Variants in CACNA1E observed in about 807,000 individuals in gnomAD.
CACNA1E encodes voltage-dependent R-type calcium channel subunit alpha-1E.
CACNA1E carries 40 observed loss-of-function variants against 259.2 expected under a neutral mutation model. That is an observed-to-expected ratio of 0.15 (90% confidence interval 0.12 to 0.20). The LOEUF is 0.20. Among genes scored for constraint, CACNA1E ranks in the 10% least tolerant of loss-of-function variants. The pLI, the probability that CACNA1E is intolerant of heterozygous loss-of-function variation, is 1.00. For synonymous variants in CACNA1E, 1,104 were observed against 1,138.5 expected, an observed-to-expected ratio of 0.97 and a Z score of 0.61; for missense variants, 1,874 against 3,040.1, an observed-to-expected ratio of 0.62 and a Z score of 9.02.
intron 1 of CACNA1E, among the ~76,000 whole-genome samples, chr1:181,324,718 C>T (rs981798582): frequency 3.9e-5 from 6 of 152,114 alleles, no homozygotes; most frequent in Non-Finnish European, 8.8e-5. Context: ...ACTGGGCTTT[C>T]CTGGAGGTTT....
intron 1 of CACNA1E, among the ~76,000 whole-genome samples, chr1:181,499,232 GAAAGGCAA>G (rs2102554328): frequency 6.6e-6 from 1 of 152,292 alleles, no homozygotes; most frequent in East Asian, 1.9e-4. Flanking sequence ...GTAGCCCTAA[GAAAGGCAA>G]ACTATCCAGA....
chr1:181,480,097 T>C (rs1663133895), upstream of CACNA1E, among the ~76,000 whole-genome samples: 1 of 152,074 alleles, frequency 6.6e-6, no homozygotes, highest in African/African-American at 2.4e-5. Flanking sequence ...GACAACATAG[T>C]GAGACCGTCG....
intron 3 of CACNA1E, among the ~76,000 whole-genome samples, chr1:181,553,174 C>T (rs1171477961): frequency 6.6e-6 from 1 of 152,128 alleles, no homozygotes; most frequent in Non-Finnish European, 1.5e-5. Flanking sequence ...TTTCTTATTT[C>T]CTTGAGCAGT....
chr1:181,560,030 T>G (rs1001320781), intron 3 of CACNA1E, among the ~76,000 whole-genome samples: 2 of 147,422 alleles, frequency 1.4e-5, no homozygotes, highest in Non-Finnish European at 3.0e-5. Context: ...GAAGAGCTAT[T>G]TTTTTTTTCT....
chr1:181,348,157 A>G (rs1033118911), intron 1 of CACNA1E, among the ~76,000 whole-genome samples: 6 of 151,238 alleles, frequency 4.0e-5, no homozygotes, highest in African/African-American at 1.5e-4. Context: ...GCAGCTCAGC[A>G]CAGAGCTATC....
In CACNA1E at chr1:181,432,182, A is replaced by G. The variant is rs765509949; in HGVS notation, c.434+18602A>G. 4.6e-4 allele frequency among the ~76,000 whole-genome samples: 70 copies of G among 152,158 alleles called. 1 individual carries two copies. The highest frequency in any genetic ancestry group is 8.8e-5 in the Non-Finnish European group (6 of 68,018). ...ATCATTTCAACACAAAACCAATGCA[A>G]ACAAAGAATATGCCCCTAAATGAAA... On this transcript the variant is annotated intron_variant, in intron 2 of 11. Coordinates refer to the CACNA1E transcript ENST00000524607.
intron 3 of CACNA1E, among the ~76,000 whole-genome samples, chr1:181,526,638 C>T (rs1325004247): frequency 6.6e-6 from 1 of 152,068 alleles, no homozygotes; most frequent in Non-Finnish European, 1.5e-5. Flanking sequence ...GTCCATTTAG[C>T]CTGTTAACAA....
chr1:181,560,131 C>T (rs975821504), intron 3 of CACNA1E, among the ~76,000 whole-genome samples: 1 of 151,852 alleles, frequency 6.6e-6, no homozygotes, highest in Non-Finnish European at 1.5e-5. Flanking sequence ...CATCCAGGCC[C>T]ACCTAGACAG....
At chr1:181,786,475 T>G in intron 43 of CACNA1E, among the ~76,000 whole-genome samples, 1 of 152,242 alleles carries the variant, frequency 6.6e-6, no homozygotes, top group East Asian at 1.9e-4. Context: ...CTATACCATG[T>G]TTTCTTTAAT....
Position 181,772,362 on chromosome 1 carries a change from C to A in CACNA1E, c.5139+131C>A, listed in dbSNP as rs1316294331. On this transcript the variant is annotated intron_variant, in intron 37 of 47. Transcript: ENST00000367573. ...CCCTCCCCTCCTCTCTCCACACCCC[C>A]ACCATGCACACACTCACACTCACGT... 4 of 817,498 alleles carry A rather than the reference C, an allele frequency of 4.9e-6. No homozygotes were observed. In the East Asian group the frequency reaches 7.4e-5, roughly 15 times the overall value. The allele number at this position is 817,498 out of a possible 1,614,324, so 50.6% of individuals were successfully genotyped here.
intron 10 of CACNA1E, 143 bp downstream of exon 10, chr1:181,716,272 G>A (rs1210241130): frequency 1.1e-5 from 4 of 369,670 alleles, no homozygotes; most frequent in South Asian, 6.9e-5. Flanking sequence ...GGTGGAAATC[G>A]AATCTAGATT....
intron 3 of CACNA1E, among the ~76,000 whole-genome samples, chr1:181,572,587 A>G (rs1260731935): frequency 6.6e-6 from 1 of 152,060 alleles, no homozygotes; most frequent in Non-Finnish European, 1.5e-5. Context: ...AGAGCTTTCC[A>G]CCGGGCTGTG....
chr1:181,723,217 T>C (rs1654570152), intron 16 of CACNA1E, among the ~76,000 whole-genome samples: 1 of 152,232 alleles, frequency 6.6e-6, no homozygotes, highest in Admixed American at 6.5e-5. Context: ...AATCTCATTC[T>C]TTTTGTCGTT....
chr1:181,797,368 C>T (rs755741447), intron 47 of CACNA1E, among the ~76,000 whole-genome samples: 2 of 152,164 alleles, frequency 1.3e-5, no homozygotes, highest in Non-Finnish European at 2.9e-5. Context: ...TGAAAACATT[C>T]ATAGACTCTG....
chr1:181,641,712 T>G (rs893282230), intron 6 of CACNA1E, among the ~76,000 whole-genome samples: 1,691 of 67,402 alleles, frequency 0.025, 28 homozygotes, highest in African/African-American at 0.054. Context: ...TGTTTTTTTT[T>G]TTTTTTTTTT....
At chr1:181,509,447 G>A (rs17441683) in intron 1 of CACNA1E, among the ~76,000 whole-genome samples, 21,403 of 152,076 alleles carry the variant, frequency 0.14, 1,608 homozygotes, top group Non-Finnish European at 0.17. Flanking sequence ...CAGATCTACG[G>A]CTCCTCTCTT....
At chr1:181,714,379 C>G (rs576067156) in intron 8 of CACNA1E, among the ~76,000 whole-genome samples, 1 of 152,286 alleles carries the variant, frequency 6.6e-6, no homozygotes, top group East Asian at 1.9e-4. Context: ...GGGAACACCA[C>G]CCTCCCAGCT....
At position 181,755,506 on chromosome 1, in the gene CACNA1E, T is replaced by C. The variant is rs900828193; in HGVS notation, c.3989+109T>C. ...TCCTTTCTATCTTACCCATCTCTGC[T>C]CTTCTTTCAGCAAAAAGACAAAATG... is the stretch of plus-strand genomic sequence containing the variant. On this transcript the variant is annotated intron_variant, in intron 28 of 47. Transcript: ENST00000367573. The C allele has an allele frequency of 1.2e-5, 10 of 856,564 alleles. No homozygotes were observed. In the African/African-American group the frequency reaches 1.7e-4, roughly 14 times the overall value. The allele number at this position is 856,564 out of a possible 1,614,324, so 53.1% of individuals were successfully genotyped here. A position where few individuals can be genotyped will look rare whatever the true frequency, so the allele number is the denominator to read the frequency against.
intron 1 of CACNA1E, among the ~76,000 whole-genome samples, chr1:181,325,557 C>G (rs1184649527): frequency 6.6e-6 from 1 of 152,230 alleles, no homozygotes; most frequent in African/African-American, 2.4e-5. Context: ...CCAGGGGAGT[C>G]TCATGCACGT....
Sources: allele counts gnomAD v4.1 joint callset (sites outside exome capture counted in the v4.1 genomes callset), GRCh38; gene constraint gnomAD v4.1.1; transcripts MANE v1.5; gene names NCBI Gene and HGNC (gene_info 2026-07-23, HGNC 2026-07-21).